Variants in WWTR1 observed in about 807,000 individuals in gnomAD.
The protein encoded by WWTR1 is WW domain containing transcription regulator 1.
A neutral mutation model predicts 40.1 loss-of-function variants in WWTR1; 13 were observed. That is an observed-to-expected ratio of 0.32 (90% CI 0.21 to 0.52). The LOEUF (loss-of-function observed/expected upper bound fraction) is 0.52. Among genes scored for constraint, WWTR1 ranks in the 20% least tolerant of loss-of-function variants. The probability of loss-of-function intolerance (pLI) is 0.97; values close to 1 mark genes in which losing one functional copy is unlikely to be tolerated. For missense variants in WWTR1, 436 were observed against 523.1 expected (o/e 0.83, Z 1.63); for synonymous variants, 230 against 210.1 (o/e 1.09, Z -0.82).
At chr3:149,720,533 T>G (rs895803627) in intron 4 of WWTR1, among the ~76,000 whole-genome samples, 5 of 152,150 alleles carry the variant, frequency 3.3e-5, no homozygotes, top group African/African-American at 1.2e-4. Flanking sequence ...CTATTATAAA[T>G]TTTTAAATCA....
chr3:149,707,998 C>T (rs992344418), upstream of WWTR1, among the ~76,000 whole-genome samples: 1 of 151,732 alleles, frequency 6.6e-6, no homozygotes, highest in African/African-American at 2.4e-5. Flanking sequence ...ATTCCTTTGT[C>T]CTAACCAGTG....
chr3:149,612,472 A>G (rs1739781164), intron 2 of WWTR1, among the ~76,000 whole-genome samples: 1 of 152,074 alleles, frequency 6.6e-6, no homozygotes, highest in African/African-American at 2.4e-5. Context: ...GAAAGGTATC[A>G]TTTGTAATTA....
At chr3:149,604,264 C>T (rs998442170) in intron 2 of WWTR1, among the ~76,000 whole-genome samples, 3 of 152,146 alleles carry the variant, frequency 2.0e-5, no homozygotes, top group African/African-American at 7.2e-5. Context: ...TGGCTGAGGC[C>T]TCATTCCCTG....
At chr3:149,582,779 G>C (rs957057775) in intron 2 of WWTR1, among the ~76,000 whole-genome samples, 2 of 152,026 alleles carry the variant, frequency 1.3e-5, no homozygotes, top group African/African-American at 4.8e-5. Context: ...ATCACCTTAA[G>C]TTTATTGTGT....
intron 2 of WWTR1, among the ~76,000 whole-genome samples, chr3:149,578,496 C>A (rs919383910): frequency 2.0e-5 from 3 of 152,192 alleles, no homozygotes; most frequent in African/African-American, 7.2e-5. Context: ...GTTTTTTCAA[C>A]AACCATAGAT....
intron 2 of WWTR1, among the ~76,000 whole-genome samples, chr3:149,615,011 G>T (rs1416272138): frequency 1.3e-5 from 2 of 152,060 alleles, no homozygotes; most frequent in African/African-American, 4.8e-5. Flanking sequence ...TTAGGTGATG[G>T]TTACAGGGGG....
intron 5 of WWTR1, among the ~76,000 whole-genome samples, chr3:149,709,348 A>C (rs1367995160): frequency 3.3e-5 from 5 of 151,642 alleles, no homozygotes; most frequent in Non-Finnish European, 7.4e-5. Context: ...GATTTGTATT[A>C]ATATCTCCCT....
At chr3:149,716,929 C>T (rs1239450402) in intron 5 of WWTR1, among the ~76,000 whole-genome samples, 1 of 152,170 alleles carries the variant, frequency 6.6e-6, no homozygotes, top group Non-Finnish European at 1.5e-5. Context: ...CTAATCCTTG[C>T]ACTTTGGGAA....
intron 1 of WWTR1, among the ~76,000 whole-genome samples, chr3:149,671,508 C>T (rs1176817139): frequency 6.6e-6 from 1 of 152,170 alleles, no homozygotes; most frequent in Non-Finnish European, 1.5e-5. Context: ...TGTACTCCTT[C>T]ACAAAATTTT....
chr3:149,585,788 T>C (rs987841065), intron 2 of WWTR1, among the ~76,000 whole-genome samples: 1 of 152,214 alleles, frequency 6.6e-6, no homozygotes, highest in South Asian at 2.1e-4. Flanking sequence ...TGGATTTCCA[T>C]TTTTCCTAAT....
At chr3:149,703,082 G>A (rs966644457) in intron 1 of WWTR1, 48 of 152,312 alleles carry the variant, frequency 3.2e-4, no homozygotes, top group Admixed American at 1.8e-3. Context: ...AAATCTCCAC[G>A]TCTTACTCTA....
intron 4 of WWTR1, among the ~76,000 whole-genome samples, chr3:149,720,660 A>T (rs1039869661): frequency 6.6e-6 from 1 of 152,028 alleles, no homozygotes; most frequent in Non-Finnish European, 1.5e-5. Flanking sequence ...CAAAAAAAAA[A>T]CCTACTTGTT....
intron 2 of WWTR1, among the ~76,000 whole-genome samples, chr3:149,614,899 C>A (rs571406802): frequency 6.6e-6 from 1 of 152,186 alleles, no homozygotes; most frequent in East Asian, 1.9e-4. Flanking sequence ...AGGAGAATCA[C>A]TTGAACCAGG....
chr3:149,616,647 G>A (rs925673927), intron 2 of WWTR1, among the ~76,000 whole-genome samples: 2 of 152,080 alleles, frequency 1.3e-5, no homozygotes, highest in African/African-American at 4.8e-5. Flanking sequence ...TCTCCATGTT[G>A]GTCAGGCTGG....
intron 1 of WWTR1, among the ~76,000 whole-genome samples, chr3:149,686,189 G>A (rs1403107498): frequency 2.0e-5 from 3 of 152,156 alleles, no homozygotes; most frequent in Non-Finnish European, 4.4e-5. Flanking sequence ...TGACATAAAT[G>A]ACTCCAGTTT....
At chr3:149,543,600 A>AAAAAAAAAAAAAAAAAT (rs1397364887) in intron 3 of WWTR1, among the ~76,000 whole-genome samples, 1 of 149,564 alleles carries the variant, frequency 6.7e-6, no homozygotes, top group African/African-American at 2.4e-5. Context: ...AAAAAAAAAA[A>AAAAAAAAAAAAAAAAAT]AAAGAACTTC....
chr3:149,592,560 G>A (rs1032080723), intron 2 of WWTR1, among the ~76,000 whole-genome samples: 12 of 152,162 alleles, frequency 7.9e-5, no homozygotes, highest in Non-Finnish European at 1.5e-5. Flanking sequence ...ATAGATTAGA[G>A]AGATTAATCG....
At chr3:149,631,842 G>T (rs1463789978) in intron 2 of WWTR1, among the ~76,000 whole-genome samples, 1 of 152,198 alleles carries the variant, frequency 6.6e-6, no homozygotes, top group East Asian at 1.9e-4. Context: ...CAACTAGGGT[G>T]GTGATCCTGG....
At position 149,520,610 on chromosome 3, in the gene WWTR1, ATATT is replaced by A. The variant is rs1734997369; in HGVS notation, c.*191_*194del. The stretch of plus-strand genomic sequence containing the variant: ...CAGGCTTGCAGAAAATGAAAATAGA[ATATT>A]TATTTATGTTTAACTTAAGTTACTC... On this transcript the variant is annotated 3_prime_UTR_variant, in exon 7 of 7. Transcript: ENST00000360632. The A allele has an allele frequency of 2.2e-6, 1 of 445,756 alleles. No individual in the cohort carries two copies. Among genetic ancestry groups the A allele is most frequent in the Non-Finnish European group, 3.9e-6 (1 of 258,836 alleles). The allele number at this position is 445,756 out of a possible 1,614,324, so 27.6% of individuals were successfully genotyped here. A position where few individuals can be genotyped will look rare whatever the true frequency, so the allele number is the denominator to read the frequency against.
Sources: gnomAD v4.1 joint callset for allele counts (sites outside exome capture counted in the v4.1 genomes callset) on GRCh38, gnomAD v4.1.1 for gene constraint, MANE v1.5 for transcripts, NCBI Gene and HGNC (gene_info 2026-07-23, HGNC 2026-07-21) for gene names.